The following SEMA3A variants were observed in gnomAD, a reference collection of about 807,000 sequenced individuals.
SEMA3A encodes the protein semaphorin 3A.
SEMA3A carries 29 observed loss-of-function variants against 97.9 expected under a neutral mutation model. The observed-to-expected ratio is 0.30, with a 90% confidence interval of 0.22 to 0.40. The LOEUF (loss-of-function observed/expected upper bound fraction) is 0.40, where lower values mean the gene tolerates loss of function less well. Among genes scored for constraint, SEMA3A ranks in the 10% least tolerant of loss-of-function variants. SEMA3A has a pLI of 1.00. For synonymous variants in SEMA3A, 321 were observed against 323.7 expected (o/e 0.99, Z 0.09); for missense variants, 763 against 951.3 (o/e 0.80, Z 2.60).
At chr7:83,978,201 T>A (rs1041693816) in intron 14 of SEMA3A, among the ~76,000 whole-genome samples, 12 of 152,094 alleles carry the variant, frequency 7.9e-5, no homozygotes, top group African/African-American at 2.9e-4. Flanking sequence ...ACAATAAATG[T>A]TGAACTTAAG....
intron 11 of SEMA3A, among the ~76,000 whole-genome samples, chr7:84,004,549 G>A (rs914738000): frequency 7.9e-5 from 12 of 151,722 alleles, no homozygotes; most frequent in African/African-American, 2.9e-4. Flanking sequence ...CTAATATTCT[G>A]GAACTATTAT....
chr7:83,996,010 A>C (rs936899324), intron 12 of SEMA3A, among the ~76,000 whole-genome samples: 22 of 152,208 alleles, frequency 1.4e-4, no homozygotes, highest in Non-Finnish European at 2.9e-4. Context: ...TGTGTTATCA[A>C]CGTAACTGCC....
chr7:84,453,563 G>A (rs1805617070), intron 1 of SEMA3A, among the ~76,000 whole-genome samples: 1 of 152,104 alleles, frequency 6.6e-6, no homozygotes, highest in Non-Finnish European at 1.5e-5. Flanking sequence ...GAGTGATAGA[G>A]ACAATGCATC....
intron 3 of SEMA3A, among the ~76,000 whole-genome samples, chr7:84,286,628 T>C (rs1311985942): frequency 1.3e-5 from 2 of 152,076 alleles, no homozygotes; most frequent in African/African-American, 4.8e-5. Flanking sequence ...TCTTTAAAGA[T>C]ACAGGGCTCA....
At chr7:84,452,885 T>C (rs1434029948) in intron 1 of SEMA3A, among the ~76,000 whole-genome samples, 1 of 151,776 alleles carries the variant, frequency 6.6e-6, no homozygotes, top group South Asian at 2.1e-4. Context: ...TTACTCTGTG[T>C]GACCATTTGT....
At chr7:84,058,355 A>G (rs1793078748) in intron 5 of SEMA3A, among the ~76,000 whole-genome samples, 2 of 152,186 alleles carry the variant, frequency 1.3e-5, no homozygotes, top group Admixed American at 1.3e-4. Context: ...AGAGTTTGGG[A>G]AGTGCTGTAG....
At chr7:84,428,134 A>C (rs1000887194) in intron 1 of SEMA3A, among the ~76,000 whole-genome samples, 2 of 152,140 alleles carry the variant, frequency 1.3e-5, no homozygotes, top group African/African-American at 4.8e-5. Flanking sequence ...AAATTAGAGA[A>C]CTTTCATTAC....
At chr7:84,142,332 A>G (rs938169443) in intron 1 of SEMA3A, among the ~76,000 whole-genome samples, 1 of 152,184 alleles carries the variant, frequency 6.6e-6, no homozygotes, top group East Asian at 1.9e-4. Context: ...CCTTTAGAGA[A>G]GCAAAACCTA....
At position 84,274,597 on chromosome 7, in the gene SEMA3A, A is replaced by G. The variant is rs1247471248; in HGVS notation, c.-83+32610T>C. On this transcript the variant is annotated intron_variant, in intron 3 of 3. Coordinates refer to the SEMA3A transcript ENST00000424555. ...TCAAAATAACAGAAAATAAATAAAT[A>G]TATCTCTACTAGAATGCATGTTCAT... 2.0e-5 allele frequency among the ~76,000 whole-genome samples: 3 copies of G among 152,176 alleles called. No homozygotes were observed. The East Asian group carries it at 5.8e-4, about 29-fold the overall frequency.
chr7:84,148,053 G>A (rs1029606863), intron 1 of SEMA3A, among the ~76,000 whole-genome samples: 4 of 151,772 alleles, frequency 2.6e-5, no homozygotes, highest in African/African-American at 4.8e-5. Context: ...GGTATTACAG[G>A]CATGAGCCAC....
intron 4 of SEMA3A, among the ~76,000 whole-genome samples, chr7:84,065,588 A>T (rs1793447648): frequency 6.7e-6 from 1 of 149,736 alleles, no homozygotes; most frequent in African/African-American, 2.5e-5. Flanking sequence ...TAAAGGGGAT[A>T]TCACCACTGA....
At chr7:84,404,180 A>G (rs1230865682) in intron 1 of SEMA3A, among the ~76,000 whole-genome samples, 2 of 152,212 alleles carry the variant, frequency 1.3e-5, no homozygotes, top group Non-Finnish European at 2.9e-5. Context: ...TGGAATAAAC[A>G]GTGCAGAGAA....
intron 4 of SEMA3A, among the ~76,000 whole-genome samples, chr7:84,071,200 A>G (rs930589110): frequency 2.0e-5 from 3 of 152,170 alleles, no homozygotes; most frequent in Non-Finnish European, 2.9e-5. Flanking sequence ...CAAGATGTCA[A>G]TAGTCACATA....
chr7:84,478,369 G>A (rs540891480), intron 1 of SEMA3A, among the ~76,000 whole-genome samples: 1 of 151,936 alleles, frequency 6.6e-6, no homozygotes, highest in Non-Finnish European at 1.5e-5. Flanking sequence ...TTCACCCCAA[G>A]GATTAGTCAT....
intron 1 of SEMA3A, among the ~76,000 whole-genome samples, chr7:84,185,499 C>T (rs1233719959): frequency 3.3e-5 from 5 of 151,092 alleles, no homozygotes; most frequent in Non-Finnish European, 5.9e-5. Context: ...TAGTGAAACA[C>T]CATCTCTACT....
chr7:83,981,961 G>A (rs1562952917), intron 13 of SEMA3A, among the ~76,000 whole-genome samples: 1 of 150,156 alleles, frequency 6.7e-6, no homozygotes, highest in East Asian at 1.9e-4. Context: ...AAATTTTGGT[G>A]CTTACATTTG....
intron 2 of SEMA3A, among the ~76,000 whole-genome samples, chr7:84,343,475 G>C (rs1315892065): frequency 6.6e-6 from 1 of 152,164 alleles, no homozygotes; most frequent in Non-Finnish European, 1.5e-5. Context: ...GAGCTAGGCA[G>C]CTAGAAAACT....
At chr7:84,103,618 TATATTTTAAAAAAATAAA>T (rs1795021678) in intron 4 of SEMA3A, among the ~76,000 whole-genome samples, 1 of 152,106 alleles carries the variant, frequency 6.6e-6, no homozygotes, top group African/African-American at 2.4e-5. Flanking sequence ...CTACTTTTCT[TATATTTTAAAAAAATAAA>T]ATATTTTTTT....
At chr7:84,039,516 C>G (rs1792057977) in intron 6 of SEMA3A, among the ~76,000 whole-genome samples, 1 of 152,084 alleles carries the variant, frequency 6.6e-6, no homozygotes, top group Admixed American at 6.6e-5. Flanking sequence ...ATGAAAAAGA[C>G]AGCAAATTTG....
Sources: gnomAD v4.1 joint callset for allele counts (sites outside exome capture counted in the v4.1 genomes callset) on GRCh38, gnomAD v4.1.1 for gene constraint, MANE v1.5 for transcripts, NCBI Gene and HGNC (gene_info 2026-07-23, HGNC 2026-07-21) for gene names.